The following IFT172 variants were observed in gnomAD, a reference collection of about 807,000 sequenced individuals.
The protein encoded by IFT172 is intraflagellar transport 172.
Under a neutral mutation model 248.9 loss-of-function variants are expected in IFT172, and 164 were observed. That is an observed-to-expected ratio of 0.66 (90% CI 0.58 to 0.75). IFT172 has a LOEUF of 0.75. Among genes scored for constraint, IFT172 ranks in the 30% least tolerant of loss-of-function variants. The pLI is 0.00. For missense variants in IFT172, 1,950 were observed against 2,192.4 expected, an observed-to-expected ratio of 0.89 and a Z score of 2.21; for synonymous variants, 729 against 791.6, an observed-to-expected ratio of 0.92 and a Z score of 1.33.
Position 27,453,530 on chromosome 2 carries a change from G to A in IFT172, c.3822-17C>T, listed in dbSNP as rs763527049. On this transcript the variant is annotated splice_polypyrimidine_tract_variant and intron_variant, in intron 34 of 47. Transcript: ENST00000260570. Reference sequence around the variant, plus strand: ...TCCACACCCCTGTGGAGATGAGAGCGCTGGGACTTGGCATGGTAGGGGGGC... The same window carrying A: ...TCCACACCCCTGTGGAGATGAGAGCACTGGGACTTGGCATGGTAGGGGGGC... 3.1e-6 allele frequency: 5 copies of A among 1,612,914 alleles called. No homozygotes were observed. Among genetic ancestry groups the A allele is most frequent in the South Asian group, 2.2e-5 (2 of 91,064 alleles).
At chr2:27,477,452 GTTTC>G in intron 12 of IFT172, 103 bp downstream of exon 12, 2 of 1,215,740 alleles carry the variant, frequency 1.6e-6, no homozygotes, top group Non-Finnish European at 2.4e-6. Context: ...CATCCTCCCT[GTTTC>G]TTTATCTGCT....
chr2:27,466,002 AT>A, intron 16 of IFT172, 120 bp from the exon 17 acceptor site: 1 of 1,129,502 alleles, frequency 8.9e-7, no homozygotes, highest in Non-Finnish European at 1.3e-6. Flanking sequence ...AGCGGCCCTG[AT>A]TTTCCTAACA....
chr2:27,449,119 G>A (rs1572721628), intron 39 of IFT172, 88 bp from the exon 40 acceptor site: 10 of 1,075,604 alleles, frequency 9.3e-6, no homozygotes, highest in East Asian at 2.4e-5. Context: ...ATTTGTTGAG[G>A]GGAAAAAGGG....
chr2:27,467,680 A>G (rs544895915), intron 16 of IFT172, among the ~76,000 whole-genome samples: 3 of 151,368 alleles, frequency 2.0e-5, no homozygotes, highest in Non-Finnish European at 4.4e-5. Context: ...GAAAGAAACT[A>G]TGAAAGAGAA....
At chr2:27,488,839 G>A (rs899969005) in intron 1 of IFT172, among the ~76,000 whole-genome samples, 1 of 152,008 alleles carries the variant, frequency 6.6e-6, no homozygotes, top group African/African-American at 2.4e-5. Flanking sequence ...GGCAACATGG[G>A]GAAACCTCGT....
chr2:27,477,514 A>G (rs1249287821), intron 12 of IFT172, 45 bp downstream of exon 12: 2 of 1,403,210 alleles, frequency 1.4e-6, no homozygotes, highest in East Asian at 2.3e-5. Context: ...CAGAAGCTAG[A>G]AGGAGGCTTA....
intron 25 of IFT172, 44 bp downstream of exon 25, chr2:27,459,334 C>A (rs1160028271): frequency 5.6e-6 from 9 of 1,603,218 alleles, no homozygotes; most frequent in Non-Finnish European, 7.7e-6. Flanking sequence ...CATTGTTATC[C>A]TCTACTGCAT....
In IFT172 at chr2:27,458,769, C is replaced by T. The variant is rs2148500039; in HGVS notation, c.2877+10G>A. The stretch of plus-strand genomic sequence containing the variant: ...AGAGTTCTCTTATCATGAACTCCAC[C>T]CATCCCTACCTTGTGGGCTTGTTCC... On this transcript the variant is annotated intron_variant, in intron 26 of 47. Coordinates refer to ENST00000260570, the MANE Select transcript of IFT172 (RefSeq NM_015662.3). The T allele has an allele frequency of 6.2e-7, 1 of 1,613,526 alleles. No homozygotes were observed. The highest frequency in any genetic ancestry group is 8.5e-7 in the Non-Finnish European group (1 of 1,179,822).
chr2:27,459,900 A>G (rs1666510821), intron 23 of IFT172, 71 bp from the exon 24 acceptor site: 2 of 1,586,534 alleles, frequency 1.3e-6, no homozygotes, highest in East Asian at 4.5e-5. Flanking sequence ...TAGGACAGGG[A>G]GATGAAGCAT....
chr2:27,476,620 T>C (rs1374855116), intron 14 of IFT172, 21 bp downstream of exon 14: 1 of 1,379,242 alleles, frequency 7.3e-7, no homozygotes, highest in Admixed American at 1.7e-5. Flanking sequence ...GTTATTAAAA[T>C]TATGAGAGAG....
At position 27,459,658 on chromosome 2, in the gene IFT172, C is replaced by T. The variant is rs1428197632; in HGVS notation, c.2642+51G>A. On this transcript the variant is annotated intron_variant, in intron 24 of 47. Coordinates refer to ENST00000260570, the MANE Select transcript of IFT172 (RefSeq NM_015662.3). The stretch of plus-strand genomic sequence containing the variant: ...GGCCTTGGTGTCCTTACTTGCTCCA[C>T]TGCCCCTCACTTCACACCTAAATCT... 4 of 1,607,824 alleles carry T rather than the reference C, an allele frequency of 2.5e-6. 1 individual carries two copies. In the South Asian group the frequency reaches 4.4e-5, roughly 18 times the overall value.
intron 27 of IFT172, 30 bp from the exon 28 acceptor site, chr2:27,458,006 T>TA (rs757904714): frequency 6.2e-7 from 1 of 1,614,104 alleles, no homozygotes; most frequent in Non-Finnish European, 8.5e-7. Flanking sequence ...TGGGGCCTCC[T>TA]AGACCCGACC....
chr2:27,470,402 G>A (rs1340454066), intron 16 of IFT172, among the ~76,000 whole-genome samples: 2 of 152,138 alleles, frequency 1.3e-5, no homozygotes, highest in Admixed American at 1.3e-4. Context: ...ATTTTAAAAA[G>A]GTATGGAAAA....
At chr2:27,467,711 A>T (rs1667212890) in intron 16 of IFT172, among the ~76,000 whole-genome samples, 1 of 151,952 alleles carries the variant, frequency 6.6e-6, no homozygotes, top group African/African-American at 2.4e-5. Flanking sequence ...TAAAACAAGA[A>T]ATCTAACATT....
chr2:27,477,413 T>C, intron 12 of IFT172, 93 bp from the exon 13 acceptor site: 1 of 1,252,938 alleles, frequency 8.0e-7, no homozygotes, highest in Non-Finnish European at 1.2e-6. Context: ...ACTACCACTT[T>C]TCTCCTTGTT....
rs767073364 is a variant in IFT172, at chr2:27,449,300, G to A, written c.4305C>T (p.Thr1435=). 1 of 1,614,092 alleles carries A rather than the reference G, an allele frequency of 6.2e-7. No homozygotes were observed. The highest frequency in any genetic ancestry group is 2.2e-5 in the East Asian group (1 of 44,876). Residue 1435 remains threonine (T), a synonymous_variant, in exon 39 of 48, where the codon ACC becomes ACT. Coordinates refer to ENST00000260570, the MANE Select transcript of IFT172 (RefSeq NM_015662.3). ...GQWDKCIETA[T]KQNYKILHKY... The stretch of plus-strand genomic sequence containing the variant: ...AATGGGAAGAGAGCAGTACCTGCTT[G>A]GTAGCTGTTTCAATGCACTTGTCCC...
chr2:27,459,193 G>T, intron 25 of IFT172, 185 bp downstream of exon 25: 1 of 720,108 alleles, frequency 1.4e-6, no homozygotes, highest in Non-Finnish European at 2.2e-6. Flanking sequence ...GGTGAAGGGC[G>T]ATATCTGTGT....
intron 29 of IFT172, 139 bp downstream of exon 29, chr2:27,457,500 A>G (rs138510859): frequency 1.4e-6 from 1 of 694,458 alleles, no homozygotes; most frequent in Non-Finnish European, 2.5e-6. Context: ...GCTTAAGCCC[A>G]GGAGGTCAAG....
chr2:27,447,580 T>TG lies in IFT172; in HGVS notation c.4593dup (p.Lys1532GlnfsTer48). On this transcript the variant is annotated frameshift_variant, in exon 42 of 48. Coordinates refer to ENST00000260570, the MANE Select transcript of IFT172 (RefSeq NM_015662.3). LOFTEE classifies it high-confidence loss of function. ...TAATGAGCGATCAGCAGCATCGTCT[T>TG]GAACTCCTCATGGGCTGGAGAGTTT... 1 of 1,614,160 alleles carries TG rather than the reference T, an allele frequency of 6.2e-7. No individual in the cohort carries two copies. Among genetic ancestry groups the TG allele is most frequent in the Non-Finnish European group, 8.5e-7 (1 of 1,180,032 alleles).
Sources: allele counts gnomAD v4.1 joint callset (sites outside exome capture counted in the v4.1 genomes callset), GRCh38; gene constraint gnomAD v4.1.1; transcripts MANE v1.5; gene names NCBI Gene and HGNC (gene_info 2026-07-23, HGNC 2026-07-21).